Variants in GRIA2 observed in about 807,000 individuals in gnomAD.
The protein encoded by GRIA2 is glutamate receptor 2.
In GRIA2, 14 loss-of-function variants were observed where a neutral mutation model predicts 97.3. That is an observed-to-expected ratio of 0.14 (90% CI 0.10 to 0.23). The LOEUF (loss-of-function observed/expected upper bound fraction) is 0.23. Ranked by LOEUF, GRIA2 falls within the 10% of genes least tolerant of loss-of-function variation. The pLI, the probability that GRIA2 is intolerant of heterozygous loss-of-function variation, is 1.00. For synonymous variants in GRIA2, 412 were observed against 387.8 expected (o/e 1.06, Z -0.73); for missense variants, 558 against 1,069.8 (o/e 0.52, Z 6.67).
Position 157,359,997 on chromosome 4 carries a change from G to A in GRIA2, c.2145G>A (p.Arg715=), listed in dbSNP as rs1450183511. 5.0e-6 allele frequency: 8 copies of A among 1,613,930 alleles called. No individual in the cohort carries two copies. Among genetic ancestry groups the A allele is most frequent in the Non-Finnish European group, 6.8e-6 (8 of 1,179,902 alleles). ...CGGCCGAAGGGGTGGCTAGAGTGCGGAAGTCCAAAGGGAAATATGCCTACT... is the reference window on the plus strand; with the variant it reads ...CGGCCGAAGGGGTGGCTAGAGTGCGAAAGTCCAAAGGGAAATATGCCTACT... ...RTTAEGVARV[R]KSKGKYAYLL... The change falls in exon 13 of 16, where the codon CGG becomes CGA. Residue 715 remains arginine, a synonymous_variant. Transcript: ENST00000264426.
At chr4:157,356,937 G>T (rs1261417401) in intron 12 of GRIA2, among the ~76,000 whole-genome samples, 1 of 152,096 alleles carries the variant, frequency 6.6e-6, no homozygotes, top group Non-Finnish European at 1.5e-5. Flanking sequence ...GCCATTGAAA[G>T]TAGTGGCAAA....
chr4:157,261,931 T>A (rs1206209245), intron 2 of GRIA2, among the ~76,000 whole-genome samples: 1 of 152,092 alleles, frequency 6.6e-6, no homozygotes, highest in Non-Finnish European at 1.5e-5. Flanking sequence ...AGTTCAAAAA[T>A]TATTTTGTTC....
intron 4 of GRIA2, among the ~76,000 whole-genome samples, chr4:157,316,872 A>G (rs1424034966): frequency 3.3e-5 from 5 of 152,264 alleles, no homozygotes; most frequent in South Asian, 2.1e-4. Flanking sequence ...GGACTAAAGC[A>G]TGGCCAGTTT....
chr4:157,243,830 A>G (rs1730610409), intron 2 of GRIA2, among the ~76,000 whole-genome samples: 1 of 152,090 alleles, frequency 6.6e-6, no homozygotes, highest in African/African-American at 2.4e-5. Flanking sequence ...CTCTGCATGA[A>G]AGATTGTCCT....
intron 6 of GRIA2, among the ~76,000 whole-genome samples, chr4:157,323,259 C>T (rs1734658367): frequency 6.9e-6 from 1 of 144,126 alleles, no homozygotes; most frequent in East Asian, 2.0e-4. Context: ...GGCGTGAACC[C>T]GGGAGGTAGA....
Position 157,335,757 on chromosome 4 carries a change from A to G in GRIA2, c.1353A>G (p.Ala451=). ...RYEGYCVDLA[A]EIAKHCGFKY... ...AGGGCTACTGTGTTGACCTGGCTGC[A>G]GAAATCGCCAAACATTGTGGGTTCA... The change falls in exon 10 of 16, where the codon GCA becomes GCG. Residue 451 remains alanine, a synonymous_variant. Coordinates refer to ENST00000264426, the MANE Select transcript of GRIA2 (RefSeq NM_001083619.3). 6.2e-7 allele frequency: 1 copy of G among 1,612,764 alleles called. No homozygotes were observed. Among genetic ancestry groups the G allele is most frequent in the Non-Finnish European group, 8.5e-7 (1 of 1,179,006 alleles).
At chr4:157,246,884 T>C (rs964656159) in intron 2 of GRIA2, among the ~76,000 whole-genome samples, 1 of 152,160 alleles carries the variant, frequency 6.6e-6, no homozygotes, top group Non-Finnish European at 1.5e-5. Context: ...TTGTTCATTT[T>C]TCATTTTCTG....
At chr4:157,286,104 C>A (rs1732834850) in intron 2 of GRIA2, among the ~76,000 whole-genome samples, 1 of 151,414 alleles carries the variant, frequency 6.6e-6, no homozygotes, top group African/African-American at 2.4e-5. Context: ...TTTCAAGGAT[C>A]ATTTCCTTTA....
intron 2 of GRIA2, among the ~76,000 whole-genome samples, chr4:157,222,347 C>G (rs1729536695): frequency 6.6e-6 from 1 of 152,184 alleles, no homozygotes; most frequent in African/African-American, 2.4e-5. Flanking sequence ...CTCGCGAGCT[C>G]CATGTTCTCC....
intron 2 of GRIA2, among the ~76,000 whole-genome samples, chr4:157,262,966 A>C (rs1291826528): frequency 2.0e-5 from 3 of 152,126 alleles, no homozygotes; most frequent in Non-Finnish European, 4.4e-5. Flanking sequence ...TTATACTTTT[A>C]TAAAAAGACA....
chr4:157,351,723 T>A (rs908229572), intron 12 of GRIA2, among the ~76,000 whole-genome samples: 1 of 152,130 alleles, frequency 6.6e-6, no homozygotes, highest in East Asian at 1.9e-4. Flanking sequence ...GTTTTCCCCA[T>A]GCTGTTCTTG....
At chr4:157,225,364 T>C (rs1200987423) in intron 2 of GRIA2, among the ~76,000 whole-genome samples, 3 of 152,052 alleles carry the variant, frequency 2.0e-5, no homozygotes, top group Non-Finnish European at 2.9e-5. Context: ...CCCTCACTCA[T>C]TTTTTCCTTT....
chr4:157,353,012 C>T (rs1037126756), intron 12 of GRIA2, among the ~76,000 whole-genome samples: 1 of 151,386 alleles, frequency 6.6e-6, no homozygotes, highest in South Asian at 2.1e-4. Flanking sequence ...GAGCCGAGAT[C>T]GTGCCACTGC....
chr4:157,336,324 T>C (rs1316013065), intron 10 of GRIA2, 53 bp from the exon 11 acceptor site: 4 of 1,405,142 alleles, frequency 2.8e-6, no homozygotes, highest in Non-Finnish European at 1.9e-6. Flanking sequence ...TAACCACGAT[T>C]CCTTTTTCAC....
At chr4:157,303,424 T>G (rs1400706282) in intron 2 of GRIA2, 128 bp from the exon 3 acceptor site, 1 of 732,498 alleles carries the variant, frequency 1.4e-6, no homozygotes, top group Non-Finnish European at 2.2e-6. Flanking sequence ...AATGGATCAT[T>G]AAATCTATAT....
Position 157,303,568 on chromosome 4 carries a change from G to T in GRIA2, c.246G>T (p.Ser82=). Residue 82 remains serine (S), a synonymous_variant, in exon 3 of 16, where the codon TCG becomes TCT. Coordinates refer to ENST00000264426, the MANE Select transcript of GRIA2 (RefSeq NM_001083619.3). ...AVTNAFCSQF[S]RGVYAIFGFY... ...TTCTTCTAGTCTGCTCCCAGTTTTC[G>T]AGAGGAGTCTATGCTATTTTTGGAT... 2 of 1,613,238 alleles carry T rather than the reference G, an allele frequency of 1.2e-6. No homozygotes were observed. The highest frequency in any genetic ancestry group is 1.7e-6 in the Non-Finnish European group (2 of 1,179,394).
At chr4:157,224,310 T>A (rs914141005) in intron 2 of GRIA2, among the ~76,000 whole-genome samples, 25 of 152,118 alleles carry the variant, frequency 1.6e-4, no homozygotes, top group Non-Finnish European at 3.2e-4. Context: ...TTCAAAAGCA[T>A]GACATTTGCA....
At chr4:157,267,684 G>A (rs1356089119) in intron 2 of GRIA2, among the ~76,000 whole-genome samples, 1 of 152,032 alleles carries the variant, frequency 6.6e-6, no homozygotes, top group Non-Finnish European at 1.5e-5. Context: ...AAATGGCATA[G>A]TTTATTTGTC....
At chr4:157,342,161 A>G in intron 12 of GRIA2, 1 of 958,944 alleles carries the variant, frequency 1.0e-6, no homozygotes, top group Non-Finnish European at 1.2e-6. Context: ...CAGCTGATTA[A>G]CTTAGGTCTG....
Sources: gnomAD v4.1 joint callset for allele counts (sites outside exome capture counted in the v4.1 genomes callset) on GRCh38, gnomAD v4.1.1 for gene constraint, MANE v1.5 for transcripts, NCBI Gene and HGNC (gene_info 2026-07-23, HGNC 2026-07-21) for gene names.